Variants in SNX2 observed in about 807,000 individuals in gnomAD.
The protein encoded by SNX2 is sorting nexin-2.
SNX2 carries 25 observed loss-of-function variants against 69.9 expected under a neutral mutation model. The observed-to-expected ratio is 0.36, with a 90% CI of 0.26 to 0.50. The LOEUF (loss-of-function observed/expected upper bound fraction) is 0.50. Ranked by LOEUF, SNX2 falls within the 20% of genes least tolerant of loss-of-function variation. The pLI, the probability that SNX2 is intolerant of heterozygous loss-of-function variation, is 0.97. For synonymous variants in SNX2, 229 were observed against 200.4 expected (o/e 1.14, Z -1.20); for missense variants, 551 against 613.3 (o/e 0.90, Z 1.07).
rs1754346248 is a variant in SNX2, at chr5:122,833,725, A to G, written c.*4077A>G. On this transcript the variant is annotated 3_prime_UTR_variant, in exon 15 of 15. Transcript: ENST00000379516. ...GTACTCTTTTTTATTACCCAGATAC[A>G]ATAAAGTTTTCCAAGTTTCATTGTA... 1 of 152,210 alleles carries G rather than the reference A, an allele frequency of 6.6e-6. No homozygotes were observed. Among genetic ancestry groups the G allele is most frequent in the Non-Finnish European group, 1.5e-5 (1 of 68,022 alleles). 9.4% of individuals were successfully genotyped at this position (152,210 alleles called of 1,614,324 possible).
intron 14 of SNX2, 173 bp downstream of exon 14, chr5:122,827,819 G>GTT: frequency 6.0e-6 from 3 of 502,982 alleles, no homozygotes; most frequent in East Asian, 3.2e-5. Flanking sequence ...ACTATCTCAC[G>GTT]TGTTTTTTTT....
intron 2 of SNX2, among the ~76,000 whole-genome samples, chr5:122,796,598 T>C (rs1384014697): frequency 2.0e-5 from 3 of 152,238 alleles, no homozygotes; most frequent in African/African-American, 7.2e-5. Flanking sequence ...CAAAGTTGTT[T>C]CATGGTATTT....
chr5:122,783,039 C>T (rs921520299), intron 1 of SNX2, among the ~76,000 whole-genome samples: 1 of 151,664 alleles, frequency 6.6e-6, no homozygotes, highest in Non-Finnish European at 1.5e-5. Context: ...CCAGTTCAAG[C>T]GATTCTCCTG....
chr5:122,803,086 A>C (rs1395101432), intron 5 of SNX2, among the ~76,000 whole-genome samples: 7 of 152,204 alleles, frequency 4.6e-5, no homozygotes, highest in Non-Finnish European at 1.0e-4. Flanking sequence ...GGCATCTTAT[A>C]GAACTTATGT....
chr5:122,786,374 T>C (rs1460171184), intron 1 of SNX2, among the ~76,000 whole-genome samples: 1 of 152,204 alleles, frequency 6.6e-6, no homozygotes, highest in African/African-American at 2.4e-5. Flanking sequence ...TCTACCGTTT[T>C]ATTTGCTTAC....
chr5:122,790,560 C>T (rs1753210604), intron 1 of SNX2, among the ~76,000 whole-genome samples: 1 of 152,088 alleles, frequency 6.6e-6, no homozygotes, highest in African/African-American at 2.4e-5. Context: ...AGGGTAAGCA[C>T]AAGACCAACC....
At chr5:122,785,624 G>C (rs1282938044) in intron 1 of SNX2, among the ~76,000 whole-genome samples, 1 of 152,080 alleles carries the variant, frequency 6.6e-6, no homozygotes, top group Non-Finnish European at 1.5e-5. Flanking sequence ...AGTTTCTCTT[G>C]TGACCTCTTA....
chr5:122,809,587 C>A (rs979764980), intron 7 of SNX2, among the ~76,000 whole-genome samples: 1 of 152,266 alleles, frequency 6.6e-6, no homozygotes, highest in East Asian at 1.9e-4. Context: ...TTGAAACTTT[C>A]TAATTTCACT....
chr5:122,815,195 T>C (rs1753875111), intron 7 of SNX2, among the ~76,000 whole-genome samples: 2 of 151,956 alleles, frequency 1.3e-5, no homozygotes, highest in Non-Finnish European at 2.9e-5. Context: ...ATTGATTTCA[T>C]AGTGGTATTT....
intron 1 of SNX2, among the ~76,000 whole-genome samples, chr5:122,776,353 C>T (rs1327858450): frequency 6.6e-6 from 1 of 152,138 alleles, no homozygotes; most frequent in Non-Finnish European, 1.5e-5. Context: ...CACCTCCCCT[C>T]AGGTTATAGG....
chr5:122,815,787 G>A (rs1753886059), intron 7 of SNX2, 109 bp from the exon 8 acceptor site: 8 of 519,394 alleles, frequency 1.5e-5, no homozygotes, highest in Non-Finnish European at 2.8e-5. Context: ...AGTCTAATAC[G>A]AGGTAGTGAG....
chr5:122,822,931 A>G (rs912606659), intron 11 of SNX2, among the ~76,000 whole-genome samples: 2 of 152,246 alleles, frequency 1.3e-5, no homozygotes, highest in Non-Finnish European at 2.9e-5. Context: ...TTCTTTGGCT[A>G]TAAATACTCA....
chr5:122,790,137 C>G (rs1445862175), intron 1 of SNX2, among the ~76,000 whole-genome samples: 1 of 152,084 alleles, frequency 6.6e-6, no homozygotes, highest in African/African-American at 2.4e-5. Flanking sequence ...TTTTCTTTTT[C>G]TCAAAGAGTC....
chr5:122,801,569 C>A (rs1448204564), intron 3 of SNX2, among the ~76,000 whole-genome samples: 1 of 148,062 alleles, frequency 6.8e-6, no homozygotes, highest in East Asian at 2.0e-4. Context: ...TGAGCCACTG[C>A]ACTCCTGCCT....
chr5:122,792,522 G>A (rs113216414), intron 1 of SNX2, among the ~76,000 whole-genome samples: 4,615 of 152,030 alleles, frequency 0.03, 264 homozygotes, highest in African/African-American at 0.11. Context: ...GCTTGAACCC[G>A]GGAGGTGGAG....
At chr5:122,813,417 A>C (rs1336522514) in intron 7 of SNX2, among the ~76,000 whole-genome samples, 2 of 152,092 alleles carry the variant, frequency 1.3e-5, no homozygotes, top group Non-Finnish European at 1.5e-5. Context: ...GGAAAGTTTT[A>C]TTCCCTTTTT....
intron 5 of SNX2, 35 bp from the exon 6 acceptor site, chr5:122,803,437 A>G (rs748426177): frequency 1.2e-5 from 19 of 1,574,186 alleles, no homozygotes; most frequent in Non-Finnish European, 1.5e-5. Context: ...ATTGCTTGCT[A>G]TTCAAAATTT....
chr5:122,782,285 T>C (rs2150000311), intron 1 of SNX2, among the ~76,000 whole-genome samples: 1 of 152,198 alleles, frequency 6.6e-6, no homozygotes, highest in South Asian at 2.1e-4. Context: ...TTGCCCAGGC[T>C]TGGAGTGCGG....
At chr5:122,777,538 T>C (rs1355183291) in intron 1 of SNX2, among the ~76,000 whole-genome samples, 2 of 152,224 alleles carry the variant, frequency 1.3e-5, no homozygotes, top group Admixed American at 6.5e-5. Flanking sequence ...TATTATATTA[T>C]TCATATAGGA....
Sources: gnomAD v4.1 joint callset for allele counts (sites outside exome capture counted in the v4.1 genomes callset) on GRCh38, gnomAD v4.1.1 for gene constraint, MANE v1.5 for transcripts, NCBI Gene and HGNC (gene_info 2026-07-23, HGNC 2026-07-21) for gene names.